The following SLC10A7 variants were observed in gnomAD, a reference collection of about 807,000 sequenced individuals.
The protein encoded by SLC10A7 is sodium/bile acid cotransporter 7.
SLC10A7 carries 29 observed loss-of-function variants against 43.2 expected under a neutral mutation model. The observed-to-expected ratio is 0.67, with a 90% CI of 0.50 to 0.92. The LOEUF (loss-of-function observed/expected upper bound fraction) is 0.92. Among genes scored for constraint, SLC10A7 ranks in the 40% least tolerant of loss-of-function variants. SLC10A7 has a pLI of 0.00. For synonymous variants in SLC10A7, 152 were observed against 144.8 expected, an observed-to-expected ratio of 1.05 and a Z score of -0.35; for missense variants, 295 against 403.2, an observed-to-expected ratio of 0.73 and a Z score of 2.30.
chr4:146,426,606 T>A (rs762586940), intron 5 of SLC10A7, among the ~76,000 whole-genome samples: 20 of 152,240 alleles, frequency 1.3e-4, no homozygotes, highest in Non-Finnish European at 2.2e-4. Flanking sequence ...ATTTGTGCAG[T>A]GGCTCACACC....
At chr4:146,404,669 T>C (rs889597049) in intron 5 of SLC10A7, among the ~76,000 whole-genome samples, 8 of 152,104 alleles carry the variant, frequency 5.3e-5, no homozygotes, top group Non-Finnish European at 8.8e-5. Flanking sequence ...CAGGCCCTGC[T>C]ATGTTACTCA....
At chr4:146,453,276 T>C (rs1270522726) in intron 4 of SLC10A7, among the ~76,000 whole-genome samples, 1 of 151,990 alleles carries the variant, frequency 6.6e-6, no homozygotes, top group Admixed American at 6.6e-5. Flanking sequence ...CTAAATTGAA[T>C]CAGGTGTCCT....
Position 146,325,881 on chromosome 4 carries a change from T to A in SLC10A7, c.471+80A>T, listed in dbSNP as rs149539051. 8.4e-4 allele frequency: 1,079 copies of A among 1,287,680 alleles called. 6 individuals carry two copies. The African/African-American group carries it at 0.013, about 15-fold the overall frequency. The allele number at this position is 1,287,680 out of a possible 1,614,324, so 79.8% of individuals were successfully genotyped here. ...ATGGTGCAAAATAATTCAAATTTCATTTTTGTTCTAATGACCTTTCTTAAA... is the reference window on the plus strand; with the variant it reads ...ATGGTGCAAAATAATTCAAATTTCAATTTTGTTCTAATGACCTTTCTTAAA... On this transcript the variant is annotated intron_variant, in intron 6 of 11. Coordinates refer to ENST00000335472, the MANE Select transcript of SLC10A7 (RefSeq NM_001029998.6).
intron 4 of SLC10A7, among the ~76,000 whole-genome samples, chr4:146,447,667 C>CT (rs1731220484): frequency 6.7e-6 from 1 of 148,248 alleles, no homozygotes. Flanking sequence ...TCAATCCTAG[C>CT]TAAAAAAAAA....
chr4:146,284,883 A>G (rs1729789144), intron 9 of SLC10A7, among the ~76,000 whole-genome samples: 1 of 152,160 alleles, frequency 6.6e-6, no homozygotes, highest in Admixed American at 6.6e-5. Context: ...CATACATGAG[A>G]AAGAGGAGAG....
At chr4:146,285,367 T>A (rs1729827298) in intron 9 of SLC10A7, among the ~76,000 whole-genome samples, 1 of 152,304 alleles carries the variant, frequency 6.6e-6, no homozygotes, top group South Asian at 2.1e-4. Context: ...GGAGATAGGA[T>A]GAAAAGAATT....
intron 5 of SLC10A7, among the ~76,000 whole-genome samples, chr4:146,332,833 T>A (rs2149715508): frequency 6.6e-6 from 1 of 152,306 alleles, no homozygotes; most frequent in South Asian, 2.1e-4. Context: ...CTAGTTGACA[T>A]CAGTCTCCTA....
intron 5 of SLC10A7, among the ~76,000 whole-genome samples, chr4:146,345,071 G>A (rs959850790): frequency 6.6e-5 from 10 of 152,124 alleles, no homozygotes; most frequent in African/African-American, 2.2e-4. Flanking sequence ...ACTTCTATCT[G>A]AATGAAATTT....
chr4:146,463,263 G>T (rs1379079546), intron 4 of SLC10A7, among the ~76,000 whole-genome samples: 1 of 152,026 alleles, frequency 6.6e-6, no homozygotes, highest in Non-Finnish European at 1.5e-5. Context: ...AACTTGCATT[G>T]GGAGGAGAAA....
At chr4:146,475,513 C>G (rs756299668) in intron 4 of SLC10A7, among the ~76,000 whole-genome samples, 1 of 152,150 alleles carries the variant, frequency 6.6e-6, no homozygotes, top group Non-Finnish European at 1.5e-5. Context: ...TCCTTGCCTT[C>G]CACGATTGCC....
intron 10 of SLC10A7, among the ~76,000 whole-genome samples, chr4:146,266,984 T>C (rs910323297): frequency 6.6e-6 from 1 of 152,190 alleles, no homozygotes; most frequent in Non-Finnish European, 1.5e-5. Flanking sequence ...GTGCAGTGAA[T>C]ACACCAAAAT....
chr4:146,348,394 C>G (rs572268247), intron 5 of SLC10A7, among the ~76,000 whole-genome samples: 1 of 152,190 alleles, frequency 6.6e-6, no homozygotes, highest in African/African-American at 2.4e-5. Flanking sequence ...CACATTGCTA[C>G]AGAAATTTAG....
chr4:146,343,117 C>T (rs1734379794), intron 5 of SLC10A7, among the ~76,000 whole-genome samples: 1 of 151,914 alleles, frequency 6.6e-6, no homozygotes, highest in Admixed American at 6.6e-5. Flanking sequence ...TTTCATATGA[C>T]CAAGAATTTA....
At chr4:146,328,243 G>A (rs371682573) in intron 5 of SLC10A7, among the ~76,000 whole-genome samples, 2 of 152,128 alleles carry the variant, frequency 1.3e-5, no homozygotes, top group African/African-American at 2.4e-5. Context: ...TGCACCATGT[G>A]GGGGCCTGAG....
chr4:146,404,995 C>G, intron 5 of SLC10A7, among the ~76,000 whole-genome samples: 1 of 152,020 alleles, frequency 6.6e-6, no homozygotes, highest in East Asian at 1.9e-4. Context: ...TAACGAGTGA[C>G]CTGGAGAACA....
Position 146,265,375 on chromosome 4 carries a change from T to A in SLC10A7, c.848-6538A>T, listed in dbSNP as rs192328424. ...CTGGCTCAGGGCTGGCACTTTTTAA[T>A]CCTTGTTAAAGCTGAGCCCTGCATT... On this transcript the variant is annotated intron_variant, in intron 10 of 11. Transcript: ENST00000335472. Among the ~76,000 whole-genome samples the A allele has an allele frequency of 1.1e-4, 16 of 152,298 alleles. No individual in the cohort carries two copies. In the East Asian group the frequency reaches 2.7e-3, roughly 26 times the overall value.
intron 4 of SLC10A7, among the ~76,000 whole-genome samples, chr4:146,481,150 G>A (rs561502436): frequency 7.9e-5 from 12 of 152,134 alleles, no homozygotes; most frequent in Admixed American, 2.6e-4. Context: ...GAAGCTCCCC[G>A]GACTGCTGTA....
Position 146,521,813 on chromosome 4 carries a change from G to T in SLC10A7, c.-96C>A. On this transcript the variant is annotated 5_prime_UTR_variant, in exon 1 of 12. Transcript: ENST00000335472. ...CTTGGAGCGTCTCCACACTTTCCTT[G>T]GTCCCTCCAGACATGCAGCAGAGCA... The T allele has an allele frequency of 1.0e-6, 1 of 987,940 alleles. No homozygotes were observed. The highest frequency in any genetic ancestry group is 1.6e-5 in the African/African-American group (1 of 61,992). 61.2% of individuals were successfully genotyped at this position (987,940 alleles called of 1,614,324 possible). A position where few individuals can be genotyped will look rare whatever the true frequency, so the allele number is the denominator to read the frequency against.
chr4:146,391,419 C>T (rs1436488826), intron 5 of SLC10A7, among the ~76,000 whole-genome samples: 1 of 152,028 alleles, frequency 6.6e-6, no homozygotes, highest in African/African-American at 2.4e-5. Flanking sequence ...GTGACCATCA[C>T]CAAGGAAGAA....
Sources: allele counts gnomAD v4.1 joint callset (sites outside exome capture counted in the v4.1 genomes callset), GRCh38; gene constraint gnomAD v4.1.1; transcripts MANE v1.5; gene names NCBI Gene and HGNC (gene_info 2026-07-23, HGNC 2026-07-21).